Variants in CPPED1 observed in about 807,000 individuals in gnomAD.
The protein encoded by CPPED1 is calcineurin like phosphoesterase domain containing 1, also known as serine/threonine-protein phosphatase CPPED1.
A neutral mutation model predicts 28.0 loss-of-function variants in CPPED1; 28 were observed. The observed-to-expected ratio is 1.00, with a 90% CI of 0.74 to 1.37. CPPED1 has a LOEUF of 1.37. Among genes scored for constraint, CPPED1 ranks in the 40% most tolerant of loss-of-function variants. The pLI, the probability that CPPED1 is intolerant of heterozygous loss-of-function variation, is 0.00. For synonymous variants in CPPED1, 198 were observed against 180.2 expected (o/e 1.10, Z -0.79); for missense variants, 504 against 416.5 (o/e 1.21, Z -1.83).
chr16:12,673,210 G>A (rs1022127773), intron 3 of CPPED1, among the ~76,000 whole-genome samples: 3 of 152,086 alleles, frequency 2.0e-5, no homozygotes, highest in Admixed American at 6.5e-5. Context: ...GGCTCCAATC[G>A]TACAGACTGC....
In CPPED1 at chr16:12,704,910, G is replaced by C; in HGVS notation, c.429C>G (p.Cys143Trp). Residue 143 changes from cysteine to tryptophan, a missense_variant, in exon 3 of 4, where the codon TGC (cysteine) becomes TGG (tryptophan). Cys to Trp is a radical substitution (Grantham distance 215). Transcript: ENST00000381774. ...TGAAGTAGTCATCTCCCCAAGTCCG[G>C]CAGAACTCCTCGACGGTCTCGGCCG... The part of the protein sequence containing the change: ...TPTAETVEEF[C>W]RTWGDDYFSF... The C allele has an allele frequency of 6.2e-7, 1 of 1,614,140 alleles. No homozygotes were observed. Among genetic ancestry groups the C allele is most frequent in the Non-Finnish European group, 8.5e-7 (1 of 1,180,032 alleles).
At chr16:12,758,374 G>C (rs2080385740) in intron 2 of CPPED1, among the ~76,000 whole-genome samples, 1 of 152,146 alleles carries the variant, frequency 6.6e-6, no homozygotes. Context: ...CAAAAAGCCT[G>C]TATGTTTTGA....
chr16:12,803,741 T>C lies in CPPED1; in HGVS notation c.36A>G (p.Arg12=), dbSNP rs1021966429. 2 of 1,595,860 alleles carry C rather than the reference T, an allele frequency of 1.3e-6. No homozygotes were observed. Among genetic ancestry groups the C allele is most frequent in the Non-Finnish European group, 1.7e-6 (2 of 1,172,662 alleles). Residue 12 remains arginine (R), a synonymous_variant, in exon 1 of 4, where the codon AGA becomes AGG. Coordinates refer to ENST00000381774, the MANE Select transcript of CPPED1 (RefSeq NM_018340.3). ...SAAEAGGVFH[R]ARGRTLAAFP... ...ACGCGGCCAGGGTCCTGCCCCTGGC[T>C]CTGTGGAAAACACCCCCCGCCTCTG...
intron 1 of CPPED1, among the ~76,000 whole-genome samples, chr16:12,791,023 A>C (rs1009378497): frequency 6.7e-6 from 1 of 148,368 alleles, no homozygotes; most frequent in Non-Finnish European, 1.5e-5. Context: ...TAAATTCAAC[A>C]CTTCCACAGG....
At chr16:12,799,498 G>A (rs1034999642) in intron 1 of CPPED1, among the ~76,000 whole-genome samples, 3 of 152,000 alleles carry the variant, frequency 2.0e-5, no homozygotes, top group Admixed American at 6.6e-5. Flanking sequence ...CACCTGCCTC[G>A]GCCTCCCAAA....
rs114497338 is a variant in CPPED1, at chr16:12,687,708, C to G, written c.715+16916G>C. 2.2e-3 allele frequency among the ~76,000 whole-genome samples: 333 copies of G among 152,224 alleles called. 1 individual carries two copies. The highest frequency in any genetic ancestry group is 7.3e-3 in the African/African-American group (303 of 41,542). ...AAGCAAGAAAATGGTTATTCCACAACCCTGACTGGAATAGAGGAAAGAGAG... is the reference window on the plus strand; with the variant it reads ...AAGCAAGAAAATGGTTATTCCACAAGCCTGACTGGAATAGAGGAAAGAGAG... On this transcript the variant is annotated intron_variant, in intron 3 of 3. Transcript: ENST00000381774.
At chr16:12,780,461 C>A (rs1424045886) in intron 2 of CPPED1, among the ~76,000 whole-genome samples, 1 of 152,094 alleles carries the variant, frequency 6.6e-6, no homozygotes, top group Non-Finnish European at 1.5e-5. Flanking sequence ...CAGGCATGAG[C>A]CACTGCACCC....
intron 2 of CPPED1, among the ~76,000 whole-genome samples, chr16:12,771,377 G>C (rs554286517): frequency 1.4e-4 from 21 of 152,198 alleles, no homozygotes; most frequent in Non-Finnish European, 2.4e-4. Flanking sequence ...AAGATCACGG[G>C]AAACAAACTG....
At chr16:12,725,345 T>C (rs1268835556) in intron 2 of CPPED1, among the ~76,000 whole-genome samples, 1 of 152,236 alleles carries the variant, frequency 6.6e-6, no homozygotes, top group Non-Finnish European at 1.5e-5. Context: ...TCTGGCTAAC[T>C]GTAATCCCAA....
In CPPED1 at chr16:12,740,599, A is replaced by C. The variant is rs1401379544; in HGVS notation, c.290-35550T>G. ...AGAAGGGCCTCACAGCTAAATGTCA[A>C]ATTAGAATATATTATTAGCGTTACA... On this transcript the variant is annotated intron_variant, in intron 2 of 3. Transcript: ENST00000381774. Among the ~76,000 whole-genome samples, 104 of 152,172 alleles carry C rather than the reference A, an allele frequency of 6.8e-4. 1 individual carries two copies. The highest frequency in any genetic ancestry group is 6.8e-3 in the Admixed American group (104 of 15,258).
At chr16:12,746,515 A>G (rs1405470147) in intron 2 of CPPED1, among the ~76,000 whole-genome samples, 3 of 152,254 alleles carry the variant, frequency 2.0e-5, no homozygotes, top group African/African-American at 7.2e-5. Context: ...GGTTAAAGGA[A>G]GGCTGGAAGC....
intron 3 of CPPED1, among the ~76,000 whole-genome samples, chr16:12,677,536 GGAGGCT>G (rs1567273150): frequency 6.6e-6 from 1 of 152,218 alleles, no homozygotes; most frequent in East Asian, 1.9e-4. Flanking sequence ...CAGCTACTTG[GGAGGCT>G]GAGGCACGAG....
intron 1 of CPPED1, among the ~76,000 whole-genome samples, chr16:12,799,037 C>G (rs529551618): frequency 8.5e-5 from 13 of 152,206 alleles, no homozygotes; most frequent in African/African-American, 3.1e-4. Flanking sequence ...CTGTTACTCA[C>G]GTAAATCACC....
At chr16:12,666,093 G>A (rs2079824357) in intron 3 of CPPED1, among the ~76,000 whole-genome samples, 1 of 152,094 alleles carries the variant, frequency 6.6e-6, no homozygotes, top group Admixed American at 6.6e-5. Flanking sequence ...TCCAGCCTGG[G>A]CGACAAGAGC....
chr16:12,707,882 C>T (rs576381225), intron 2 of CPPED1, among the ~76,000 whole-genome samples: 119 of 152,302 alleles, frequency 7.8e-4, no homozygotes, highest in African/African-American at 2.6e-3. Context: ...CGTACTGATG[C>T]ATGCCTATAA....
At chr16:12,787,818 C>T (rs527326430) in intron 1 of CPPED1, among the ~76,000 whole-genome samples, 1 of 152,186 alleles carries the variant, frequency 6.6e-6, no homozygotes, top group African/African-American at 2.4e-5. Flanking sequence ...AAACAACCCA[C>T]ATTTATTATC....
chr16:12,760,138 C>T (rs557601645), intron 2 of CPPED1, among the ~76,000 whole-genome samples: 10 of 152,136 alleles, frequency 6.6e-5, no homozygotes, highest in Non-Finnish European at 1.5e-4. Context: ...CTGAGTATGA[C>T]GCTGAATCCG....
At chr16:12,801,963 G>C (rs2080662724) in intron 1 of CPPED1, among the ~76,000 whole-genome samples, 2 of 152,154 alleles carry the variant, frequency 1.3e-5, no homozygotes, top group Admixed American at 1.3e-4. Context: ...TTGACCTTCA[G>C]GGGTGGGGAG....
At chr16:12,755,549 C>T (rs763454750) in intron 2 of CPPED1, among the ~76,000 whole-genome samples, 7 of 151,544 alleles carry the variant, frequency 4.6e-5, no homozygotes, top group Non-Finnish European at 1.0e-4. Context: ...TCTCAACATG[C>T]TAGGATTACA....
Sources: gnomAD v4.1 joint callset for allele counts (sites outside exome capture counted in the v4.1 genomes callset) on GRCh38, gnomAD v4.1.1 for gene constraint, MANE v1.5 for transcripts, NCBI Gene and HGNC (gene_info 2026-07-23, HGNC 2026-07-21) for gene names.